PTPRN2: variants seen among roughly 807,000 people sequenced by gnomAD.
PTPRN2 encodes receptor-type tyrosine-protein phosphatase N2.
In PTPRN2, 74 loss-of-function variants were observed where a neutral mutation model predicts 118.8. The observed-to-expected ratio is 0.62, with a 90% confidence interval of 0.52 to 0.76. PTPRN2 has a LOEUF of 0.76. PTPRN2 is among the 30% of genes least tolerant of loss of function. The probability of loss-of-function intolerance (pLI) is 0.00; values close to 1 mark genes in which losing one functional copy is unlikely to be tolerated. For missense variants in PTPRN2, 1,481 were observed against 1,394.4 expected (o/e 1.06, Z -0.99); for synonymous variants, 641 against 608.0 (o/e 1.05, Z -0.80).
chr7:157,557,270 C>T (rs372002588), intron 21 of PTPRN2, among the ~76,000 whole-genome samples: 57 of 151,700 alleles, frequency 3.8e-4, no homozygotes, highest in African/African-American at 1.3e-3. Context: ...ACAACACTCA[C>T]ATCCTACATC....
intron 12 of PTPRN2, among the ~76,000 whole-genome samples, chr7:157,828,236 C>T (rs546675056): frequency 6.6e-6 from 1 of 152,322 alleles, no homozygotes; most frequent in African/African-American, 2.4e-5. Flanking sequence ...CACAGTCTCC[C>T]TTTTCCAACC....
chr7:158,272,989 C>T (rs1798614707), intron 3 of PTPRN2, among the ~76,000 whole-genome samples: 1 of 152,180 alleles, frequency 6.6e-6, no homozygotes, highest in Non-Finnish European at 1.5e-5. Context: ...ATTTATTGAG[C>T]ATCAGGGAAT....
At chr7:157,892,255 G>T (rs540030894) in intron 12 of PTPRN2, among the ~76,000 whole-genome samples, 1 of 152,344 alleles carries the variant, frequency 6.6e-6, no homozygotes, top group African/African-American at 2.4e-5. Context: ...AACTGAGAAG[G>T]TTGGAGCCAT....
chr7:158,171,165 C>T (rs1180979008), intron 5 of PTPRN2, among the ~76,000 whole-genome samples: 8 of 140,290 alleles, frequency 5.7e-5, no homozygotes, highest in African/African-American at 2.1e-4. Flanking sequence ...TATATATACA[C>T]ACATATATAC....
intron 17 of PTPRN2, among the ~76,000 whole-genome samples, chr7:157,580,283 G>A (rs553091755): frequency 3.3e-5 from 5 of 152,240 alleles, no homozygotes; most frequent in Admixed American, 1.3e-4. Flanking sequence ...AATGACCCAG[G>A]ATCCTTATTT....
At chr7:158,116,250 A>C (rs1203100532) in intron 9 of PTPRN2, among the ~76,000 whole-genome samples, 3 of 152,270 alleles carry the variant, frequency 2.0e-5, no homozygotes, top group African/African-American at 7.2e-5. Flanking sequence ...CAATTTATAA[A>C]GTTTCTGTAA....
rs549987476 is a variant in PTPRN2, at chr7:157,633,045, G to A, written c.2197-11536C>T. Among the ~76,000 whole-genome samples, 11 of 152,206 alleles carry A rather than the reference G, an allele frequency of 7.2e-5. No homozygotes were observed. In the South Asian group the frequency reaches 1.9e-3, roughly 26 times the overall value. On this transcript the variant is annotated intron_variant, in intron 14 of 22. Transcript: ENST00000389418. ...TCAGTCATCCAGTTTGATTAAGCAC[G>A]TCCTATAAGCCAGGGATGACCTAGG...
intron 5 of PTPRN2, among the ~76,000 whole-genome samples, chr7:158,189,952 C>G (rs1366288353): frequency 6.6e-6 from 1 of 152,262 alleles, no homozygotes; most frequent in African/African-American, 2.4e-5. Flanking sequence ...GAGACCTGCT[C>G]TGTGGTGCCG....
At position 157,550,056 on chromosome 7, in the gene PTPRN2, C is replaced by A. The variant is rs1363287490; in HGVS notation, c.2903-1037G>T. Among the ~76,000 whole-genome samples, 1 of 152,252 alleles carries A rather than the reference C, an allele frequency of 6.6e-6. No individual in the cohort carries two copies. The highest frequency in any genetic ancestry group is 2.4e-5 in the African/African-American group (1 of 41,462). On this transcript the variant is annotated intron_variant, in intron 21 of 22. Coordinates refer to ENST00000389418, the MANE Select transcript of PTPRN2 (RefSeq NM_002847.5). The surrounding 1 kb of genome is among the most constrained non-coding windows in gnomAD (Gnocchi z 5.2). ...GGGCAGGACAGCGCTGGCCGAAGAC[C>A]TGAGGAGGCCCGGGTGGCCCAGAGT...
rs768924666 is a variant in PTPRN2 at position 158,327,373 on chromosome 7, ACATT to A, written c.164-10445_164-10442del. ...CACACATGTACACATTGTCACACAC[ACATT>A]ATCACATGCACACACATGCTCACAC... On this transcript the variant is annotated intron_variant, in intron 2 of 22. Transcript: ENST00000389418. Among the ~76,000 whole-genome samples, 38 of 124,862 alleles carry A rather than the reference ACATT, an allele frequency of 3.0e-4. 1 individual carries two copies. The highest frequency in any genetic ancestry group is 1.1e-3 in the Admixed American group (13 of 12,310). The allele number at this position is 124,862 out of a possible 152,430, so 81.9% of individuals were successfully genotyped here. A position where few individuals can be genotyped will look rare whatever the true frequency, so the allele number is the denominator to read the frequency against.
intron 4 of PTPRN2, among the ~76,000 whole-genome samples, chr7:158,195,183 C>T (rs1391880001): frequency 6.6e-6 from 1 of 152,278 alleles, no homozygotes; most frequent in South Asian, 2.1e-4. Flanking sequence ...AATAATTTTA[C>T]CTTTGTATCT....
At chr7:158,139,924 AT>A (rs1819213439) in intron 6 of PTPRN2, among the ~76,000 whole-genome samples, 1 of 152,050 alleles carries the variant, frequency 6.6e-6, no homozygotes, top group East Asian at 1.9e-4. Flanking sequence ...AAGGAGAGAC[AT>A]TTTCATATCA....
Position 158,509,768 on chromosome 7 carries a change from A to T in PTPRN2, c.113-19983T>A, listed in dbSNP as rs1823040619. Among the ~76,000 whole-genome samples, 1 of 152,204 alleles carries T rather than the reference A, an allele frequency of 6.6e-6. No individual in the cohort carries two copies. Among genetic ancestry groups the T allele is most frequent in the Admixed American group, 6.5e-5 (1 of 15,286 alleles). ...CCCAGGCCTGAGGCCACACGGGCAG[A>T]GTGGCAGTGGAGGGCTGGCATGCAC... is the stretch of plus-strand genomic sequence containing the variant. On this transcript the variant is annotated intron_variant, in intron 1 of 22. Transcript: ENST00000389418. The surrounding 1 kb of genome is among the most constrained non-coding windows in gnomAD (Gnocchi z 4.4).
chr7:158,066,401 C>A (rs918833666), intron 11 of PTPRN2, among the ~76,000 whole-genome samples: 1 of 152,206 alleles, frequency 6.6e-6, no homozygotes, highest in Non-Finnish European at 1.5e-5. Flanking sequence ...GCATGGCTAC[C>A]CCAGGCTCTC....
chr7:157,568,625 G>C (rs754524276), intron 21 of PTPRN2, among the ~76,000 whole-genome samples: 56 of 152,156 alleles, frequency 3.7e-4, no homozygotes, highest in African/African-American at 9.4e-4. Flanking sequence ...CTGTGTGCTC[G>C]GCACACCAAG....
intron 1 of PTPRN2, among the ~76,000 whole-genome samples, chr7:158,569,473 G>C (rs543063999): frequency 6.6e-6 from 1 of 152,382 alleles, no homozygotes; most frequent in South Asian, 2.1e-4. Context: ...GCGGAGGAAG[G>C]CTAGGAGCTC....
chr7:158,436,768 C>T (rs1816600618), intron 2 of PTPRN2, among the ~76,000 whole-genome samples: 1 of 152,174 alleles, frequency 6.6e-6, no homozygotes, highest in Non-Finnish European at 1.5e-5. Flanking sequence ...TCTGGTGAAA[C>T]AATTCATCAA....
At chr7:158,583,213 C>A (rs183470709) in intron 1 of PTPRN2, among the ~76,000 whole-genome samples, 1 of 152,294 alleles carries the variant, frequency 6.6e-6, no homozygotes, top group African/African-American at 2.4e-5. Context: ...ATTATTGTCA[C>A]ATAAAATGAT....
At chr7:158,300,334 G>A (rs1402389539) in intron 3 of PTPRN2, among the ~76,000 whole-genome samples, 4 of 152,164 alleles carry the variant, frequency 2.6e-5, no homozygotes, top group Non-Finnish European at 5.9e-5. Context: ...CGTCTGATCC[G>A]ACGGCTAGGG....
Sources: allele counts gnomAD v4.1 joint callset (sites outside exome capture counted in the v4.1 genomes callset), GRCh38; gene constraint gnomAD v4.1.1; non-coding constraint Gnocchi (gnomAD v3.1); transcripts MANE v1.5; gene names NCBI Gene and HGNC (gene_info 2026-07-23, HGNC 2026-07-21).